The following HSD17B11 variants were observed in gnomAD, a reference collection of about 807,000 sequenced individuals.
The protein encoded by HSD17B11 is estradiol 17-beta-dehydrogenase 11.
HSD17B11 carries 22 observed loss-of-function variants against 27.8 expected under a neutral mutation model. The ratio of observed to expected loss-of-function variants is 0.79; its 90% CI spans 0.56 to 1.13. The LOEUF (loss-of-function observed/expected upper bound fraction) is 1.13, where lower values mean the gene tolerates loss of function less well. Ranked by LOEUF, HSD17B11 falls within the 50% of genes most tolerant of loss-of-function variation. The probability of loss-of-function intolerance (pLI) is 0.00; values close to 1 mark genes in which losing one functional copy is unlikely to be tolerated. For missense variants in HSD17B11, 314 were observed against 351.1 expected (o/e 0.89, Z 0.84); for synonymous variants, 117 against 132.8 (o/e 0.88, Z 0.82).
In HSD17B11 at chr4:87,337,237, A is replaced by G. The variant is rs1237371527; in HGVS notation, c.*39T>C. On this transcript the variant is annotated 3_prime_UTR_variant, in exon 7 of 7. Coordinates refer to ENST00000358290, the MANE Select transcript of HSD17B11 (RefSeq NM_016245.5). ...ATTCTGGCACTATTAGATGACATCA[A>G]CCTAAACCTGGTAAATCAGTTTTCA... 3 of 1,257,656 alleles carry G rather than the reference A, an allele frequency of 2.4e-6. No homozygotes were observed. The highest frequency in any genetic ancestry group is 3.4e-5 in the Admixed American group (2 of 58,942). The allele number at this position is 1,257,656 out of a possible 1,614,324, so 77.9% of individuals were successfully genotyped here.
intron 5 of HSD17B11, chr4:87,345,308 G>C (rs1023516443): frequency 2.0e-5 from 3 of 152,048 alleles, no homozygotes; most frequent in African/African-American, 7.2e-5. Context: ...ATGAGGTGCA[G>C]TGAAAGCAGT....
chr4:87,378,451 T>A (rs1719963603), intron 2 of HSD17B11, among the ~76,000 whole-genome samples: 1 of 152,062 alleles, frequency 6.6e-6, no homozygotes, highest in African/African-American at 2.4e-5. Context: ...CAGGTATCCA[T>A]CCCCTCAAGC....
intron 2 of HSD17B11, among the ~76,000 whole-genome samples, chr4:87,377,054 T>C (rs1359368890): frequency 1.3e-5 from 2 of 152,168 alleles, no homozygotes; most frequent in Non-Finnish European, 2.9e-5. Context: ...TGCTTGCACC[T>C]GGGAGGTGGA....
intron 2 of HSD17B11, among the ~76,000 whole-genome samples, chr4:87,381,323 A>G (rs1720162092): frequency 6.6e-6 from 1 of 152,174 alleles, no homozygotes; most frequent in African/African-American, 2.4e-5. Flanking sequence ...GTGTATTTTA[A>G]GGAATCTGCC....
chr4:87,337,576 G>A (rs1735076732), intron 6 of HSD17B11, among the ~76,000 whole-genome samples: 1 of 152,064 alleles, frequency 6.6e-6, no homozygotes, highest in African/African-American at 2.4e-5. Context: ...CTTCTTTACA[G>A]TAGAATAACC....
chr4:87,359,438 TCA>T (rs1451025406), intron 4 of HSD17B11, among the ~76,000 whole-genome samples: 3 of 152,204 alleles, frequency 2.0e-5, no homozygotes, highest in Admixed American at 1.3e-4. Context: ...ATAGCTCACT[TCA>T]ACCTAGGAAC....
At position 87,352,986 on chromosome 4, in the gene HSD17B11, C is replaced by T. The variant is rs9715078; in HGVS notation, c.695+4293G>A. ...GCCTCGCCCTGCTTCGGCTCGCGCACGGTGCGCACACACACTGGCCTGCGC... is the reference window on the plus strand; with the variant it reads ...GCCTCGCCCTGCTTCGGCTCGCGCATGGTGCGCACACACACTGGCCTGCGC... On this transcript the variant is annotated intron_variant, in intron 5 of 6. Transcript: ENST00000358290. Among the ~76,000 whole-genome samples the T allele has an allele frequency of 1.1e-3, 117 of 104,410 alleles. 14 individuals carry two copies. The highest frequency in any genetic ancestry group is 5.1e-3 in the African/African-American group (102 of 19,938). The allele number at this position is 104,410 out of a possible 152,430, so 68.5% of individuals were successfully genotyped here.
chr4:87,339,222 A>G (rs550432416), intron 6 of HSD17B11, among the ~76,000 whole-genome samples: 22 of 152,320 alleles, frequency 1.4e-4, no homozygotes, highest in Admixed American at 5.9e-4. Context: ...AATGCCAGAA[A>G]CATCACAGGC....
At chr4:87,346,520 C>T (rs56788263) in intron 5 of HSD17B11, among the ~76,000 whole-genome samples, 25,943 of 151,922 alleles carry the variant, frequency 0.17, 2,383 homozygotes, top group African/African-American at 0.23. Flanking sequence ...CATGGTGGCA[C>T]GCACCTGTAC....
chr4:87,360,030 G>A (rs7688962), intron 4 of HSD17B11, among the ~76,000 whole-genome samples: 121,319 of 152,146 alleles, frequency 0.8, 48,608 homozygotes, highest in Non-Finnish European at 0.84. Context: ...GCCAGTAGAT[G>A]TAGGCATATA....
intron 5 of HSD17B11, among the ~76,000 whole-genome samples, chr4:87,353,691 C>T (rs982300527): frequency 3.9e-5 from 6 of 152,110 alleles, no homozygotes; most frequent in Admixed American, 2.0e-4. Context: ...CAGGAGAGGG[C>T]GCTGGAGCCC....
chr4:87,360,601 C>T (rs1179139023), intron 4 of HSD17B11, among the ~76,000 whole-genome samples: 1 of 152,202 alleles, frequency 6.6e-6, no homozygotes, highest in Non-Finnish European at 1.5e-5. Context: ...AGAACAAGAA[C>T]GTTTGAAGCC....
chr4:87,357,546 G>A, intron 4 of HSD17B11, 130 bp from the exon 5 acceptor site: 1 of 727,196 alleles, frequency 1.4e-6, no homozygotes, highest in Non-Finnish European at 2.1e-6. Context: ...CAGAGCTACT[G>A]CATCAGAGCC....
intron 2 of HSD17B11, 95 bp downstream of exon 2, chr4:87,382,160 C>G (rs1194734528): frequency 2.2e-5 from 19 of 868,140 alleles, no homozygotes; most frequent in Non-Finnish European, 3.5e-5. Flanking sequence ...CAACATTTCT[C>G]AGGTACTTCA....
intron 5 of HSD17B11, among the ~76,000 whole-genome samples, chr4:87,340,988 G>A (rs965178715): frequency 2.6e-5 from 4 of 151,978 alleles, no homozygotes; most frequent in African/African-American, 4.8e-5. Context: ...AAGCAGTCTC[G>A]GGAAAAAAAT....
At chr4:87,382,209 T>C (rs1720190058) in intron 2 of HSD17B11, 46 bp downstream of exon 2, 1 of 1,402,294 alleles carries the variant, frequency 7.1e-7, no homozygotes, top group African/African-American at 1.4e-5. Context: ...CCAAAACACC[T>C]CCTAGCTCTA....
At chr4:87,340,675 C>A (rs1735150363) in intron 5 of HSD17B11, 69 bp from the exon 6 acceptor site, 1 of 1,036,030 alleles carries the variant, frequency 9.7e-7, no homozygotes, top group African/African-American at 1.6e-5. Context: ...TGGTGCTAAC[C>A]AACAGCTTTA....
intron 4 of HSD17B11, among the ~76,000 whole-genome samples, chr4:87,370,169 T>C (rs1735681446): frequency 6.6e-6 from 1 of 152,210 alleles, no homozygotes; most frequent in Admixed American, 6.5e-5. Flanking sequence ...ATTTTTCCTC[T>C]CATTTCATCC....
chr4:87,363,752 C>G (rs778225522), intron 4 of HSD17B11, among the ~76,000 whole-genome samples: 3 of 152,190 alleles, frequency 2.0e-5, no homozygotes, highest in Non-Finnish European at 4.4e-5. Context: ...CTGCCCAGAC[C>G]TGTAGCTCAG....
Sources: gnomAD v4.1 joint callset for allele counts (sites outside exome capture counted in the v4.1 genomes callset) on GRCh38, gnomAD v4.1.1 for gene constraint, MANE v1.5 for transcripts, NCBI Gene and HGNC (gene_info 2026-07-23, HGNC 2026-07-21) for gene names.